GRID2: variants seen among roughly 807,000 people sequenced by gnomAD.
The protein encoded by GRID2 is glutamate receptor ionotropic, delta-2.
A neutral mutation model predicts 114.8 loss-of-function variants in GRID2; 33 were observed. The observed-to-expected ratio is 0.29, with a 90% CI of 0.22 to 0.38. GRID2 has a LOEUF of 0.38. GRID2 is among the 10% of genes least tolerant of loss of function. The pLI, the probability that GRID2 is intolerant of heterozygous loss-of-function variation, is 1.00. For synonymous variants in GRID2, 505 were observed against 449.9 expected (o/e 1.12, Z -1.55); for missense variants, 1,184 against 1,257.7 (o/e 0.94, Z 0.89).
Position 93,122,893 on chromosome 4 carries a change from T to TTTTTTG in GRID2, c.735+11945_735+11946insGTTTTT, listed in dbSNP as rs971407406. Among the ~76,000 whole-genome samples, 29 of 134,424 alleles carry TTTTTTG rather than the reference T, an allele frequency of 2.2e-4. No individual in the cohort carries two copies. In the East Asian group the frequency reaches 4.2e-3, roughly 19 times the overall value. The allele number at this position is 134,424 out of a possible 152,430, so 88.2% of individuals were successfully genotyped here. ...ACTAGTCAATCCACAGATGTGGGTT[T>TTTTTTG]TTTTTTTTTTTTTTTTTTTGATGAG... On this transcript the variant is annotated intron_variant, in intron 4 of 15. Coordinates refer to ENST00000282020, the MANE Select transcript of GRID2 (RefSeq NM_001510.4).
chr4:92,432,080 T>G (rs187220800), intron 1 of GRID2, among the ~76,000 whole-genome samples: 77 of 152,256 alleles, frequency 5.1e-4, no homozygotes, highest in African/African-American at 1.8e-3. Flanking sequence ...TTTCCCTTAC[T>G]TTCCCCTCAA....
chr4:92,554,357 A>G (rs1041604413), intron 1 of GRID2, among the ~76,000 whole-genome samples: 5 of 152,208 alleles, frequency 3.3e-5, no homozygotes, highest in Non-Finnish European at 7.3e-5. Flanking sequence ...TATCACATGA[A>G]ATCTGACTTT....
intron 2 of GRID2, among the ~76,000 whole-genome samples, chr4:92,608,041 T>G (rs1229139870): frequency 6.6e-6 from 1 of 151,812 alleles, no homozygotes; most frequent in Non-Finnish European, 1.5e-5. Flanking sequence ...CTTTCCTTTC[T>G]GAAAGGAGAA....
chr4:92,830,666 G>T lies in GRID2; in HGVS notation c.244+240380G>T, dbSNP rs1159060969. On this transcript the variant is annotated intron_variant, in intron 2 of 15. Coordinates refer to ENST00000282020, the MANE Select transcript of GRID2 (RefSeq NM_001510.4). ...ACAGACTGCTATGGGCAGATGCCAA[G>T]AAATAAGTTCTGTTGAGTTTACTAA... 3.3e-5 allele frequency among the ~76,000 whole-genome samples: 5 copies of T among 152,282 alleles called. 1 individual carries two copies. The highest frequency in any genetic ancestry group is 5.9e-5 in the Non-Finnish European group (4 of 68,020).
intron 2 of GRID2, among the ~76,000 whole-genome samples, chr4:92,863,093 G>A (rs1386700793): frequency 6.6e-6 from 1 of 152,074 alleles, no homozygotes; most frequent in African/African-American, 2.4e-5. Flanking sequence ...CTGTCTTGGA[G>A]TTATGCGTTG....
At chr4:92,465,427 A>C (rs556998566) in intron 1 of GRID2, among the ~76,000 whole-genome samples, 1 of 152,158 alleles carries the variant, frequency 6.6e-6, no homozygotes, top group Admixed American at 6.6e-5. Context: ...GATATGAATT[A>C]TTTCACCGGA....
At chr4:93,082,324 A>G (rs1446174283) in intron 2 of GRID2, among the ~76,000 whole-genome samples, 2 of 152,192 alleles carry the variant, frequency 1.3e-5, no homozygotes, top group Admixed American at 6.5e-5. Flanking sequence ...GGATACAACT[A>G]CAAGACTCCA....
chr4:92,599,867 A>C (rs1198655436), intron 2 of GRID2, among the ~76,000 whole-genome samples: 3 of 151,482 alleles, frequency 2.0e-5, no homozygotes, highest in Admixed American at 1.3e-4. Context: ...TCTACCTAAA[A>C]TACAAAAATT....
intron 1 of GRID2, among the ~76,000 whole-genome samples, chr4:92,424,721 C>G (rs918701989): frequency 5.3e-5 from 8 of 149,974 alleles, no homozygotes; most frequent in Non-Finnish European, 1.0e-4. Context: ...TAATAATAGG[C>G]TTTTGAACTG....
intron 11 of GRID2, among the ~76,000 whole-genome samples, chr4:93,470,268 A>G (rs920551371): frequency 5.3e-5 from 8 of 152,188 alleles, no homozygotes; most frequent in African/African-American, 1.9e-4. Context: ...TATACAGTAC[A>G]TATTTAACTG....
intron 8 of GRID2, among the ~76,000 whole-genome samples, chr4:93,357,361 A>T (rs1355324621): frequency 6.6e-6 from 1 of 151,536 alleles, no homozygotes. Context: ...TGAATTAAAA[A>T]ATAATTTAAT....
At chr4:93,411,089 AC>A (rs546247412) in intron 9 of GRID2, among the ~76,000 whole-genome samples, 31 of 152,332 alleles carry the variant, frequency 2.0e-4, no homozygotes, top group African/African-American at 6.7e-4. Flanking sequence ...TGACAAAAAA[AC>A]AGAAAATATG....
At chr4:92,923,599 C>A (rs977326742) in intron 2 of GRID2, among the ~76,000 whole-genome samples, 2 of 151,832 alleles carry the variant, frequency 1.3e-5, no homozygotes, top group East Asian at 3.9e-4. Context: ...AAAAGCCAAC[C>A]AAAAATGACA....
rs529393060 is a variant in GRID2, at chr4:92,939,107, A to G, written c.245-145888A>G. ...TAATGGGATGGCTGGGTCAAATGGT[A>G]TTTCTAGTTCTAGATCCATGAGGAA... On this transcript the variant is annotated intron_variant, in intron 2 of 15. Transcript: ENST00000282020. Among the ~76,000 whole-genome samples the G allele has an allele frequency of 6.6e-4, 97 of 147,244 alleles. 12 individuals carry two copies. The South Asian group carries it at 0.012, about 17-fold the overall frequency.
intron 1 of GRID2, among the ~76,000 whole-genome samples, chr4:92,521,108 G>C (rs1409097462): frequency 6.6e-6 from 1 of 151,804 alleles, no homozygotes; most frequent in East Asian, 1.9e-4. Context: ...AATTTATTGA[G>C]TTTAATATTT....
At position 93,521,654 on chromosome 4, in the gene GRID2, A is replaced by G. The variant is rs532719613; in HGVS notation, c.2193+6243A>G. 3.3e-5 allele frequency among the ~76,000 whole-genome samples: 5 copies of G among 152,242 alleles called. No homozygotes were observed. The South Asian group carries it at 1.0e-3, about 32-fold the overall frequency. ...GATTAGAGAAAAGAAAAGAAGTAAAAGAGAGGATGTGGAGATTATGAGACT... is the reference window on the plus strand; with the variant it reads ...GATTAGAGAAAAGAAAAGAAGTAAAGGAGAGGATGTGGAGATTATGAGACT... On this transcript the variant is annotated intron_variant, in intron 13 of 15. Transcript: ENST00000282020.
At chr4:93,239,477 G>A (rs897054207) in intron 8 of GRID2, among the ~76,000 whole-genome samples, 6 of 151,156 alleles carry the variant, frequency 4.0e-5, no homozygotes, top group African/African-American at 1.5e-4. Flanking sequence ...TTCTTCAGTA[G>A]GTATTTTTAG....
intron 2 of GRID2, among the ~76,000 whole-genome samples, chr4:92,872,459 TG>T (rs1745343219): frequency 6.6e-6 from 1 of 152,128 alleles, no homozygotes; most frequent in South Asian, 2.1e-4. Context: ...TAAGGAGAAA[TG>T]TTTTTATTCT....
intron 4 of GRID2, among the ~76,000 whole-genome samples, chr4:93,151,435 C>T (rs1205482767): frequency 6.6e-6 from 1 of 150,578 alleles, no homozygotes; most frequent in Non-Finnish European, 1.5e-5. Flanking sequence ...TCATCTCCTT[C>T]AACAGGCTCA....
Sources: allele counts gnomAD v4.1 joint callset (sites outside exome capture counted in the v4.1 genomes callset), GRCh38; gene constraint gnomAD v4.1.1; transcripts MANE v1.5; gene names NCBI Gene and HGNC (gene_info 2026-07-23, HGNC 2026-07-21).